DOK6: variants seen among roughly 807,000 people sequenced by gnomAD.
DOK6 encodes docking protein 6, also known as downstream of tyrosine kinase 6.
DOK6 carries 22 observed loss-of-function variants against 44.0 expected under a neutral mutation model. The ratio of observed to expected loss-of-function variants is 0.50; its 90% CI spans 0.36 to 0.71. The LOEUF is 0.71. Ranked by LOEUF, DOK6 falls within the 30% of genes least tolerant of loss-of-function variation. The pLI is 0.00. For synonymous variants in DOK6, 166 were observed against 145.5 expected (o/e 1.14, Z -1.01); for missense variants, 340 against 416.4 (o/e 0.82, Z 1.60).
chr18:69,801,492 G>A lies in DOK6; in HGVS notation c.857-39752G>A, dbSNP rs576554846. Among the ~76,000 whole-genome samples the A allele has an allele frequency of 3.9e-5, 6 of 152,252 alleles. No homozygotes were observed. In the South Asian group the frequency reaches 6.2e-4, roughly 16 times the overall value. ...GCCACGTAAGTAGTTTCCCAAACTCGTCTCCTCCTCTACAGCCTGCTTCAA... is the reference window on the plus strand; with the variant it reads ...GCCACGTAAGTAGTTTCCCAAACTCATCTCCTCCTCTACAGCCTGCTTCAA... On this transcript the variant is annotated intron_variant, in intron 7 of 7. Coordinates refer to ENST00000382713, the MANE Select transcript of DOK6 (RefSeq NM_152721.6).
intron 3 of DOK6, 124 bp from the exon 4 acceptor site, chr18:69,677,610 G>C: frequency 2.7e-6 from 4 of 1,501,374 alleles, no homozygotes; most frequent in Non-Finnish European, 3.6e-6. Context: ...ACAGTTTTTT[G>C]TTGTTTTTTT....
chr18:69,484,988 A>C (rs1412460388), intron 1 of DOK6, among the ~76,000 whole-genome samples: 1 of 151,486 alleles, frequency 6.6e-6, no homozygotes, highest in Non-Finnish European at 1.5e-5. Context: ...GTGTTGGGTG[A>C]CTCAGATTTC....
At chr18:69,835,491 A>C (rs1252378257) in intron 7 of DOK6, among the ~76,000 whole-genome samples, 3 of 152,170 alleles carry the variant, frequency 2.0e-5, no homozygotes, top group African/African-American at 4.8e-5. Flanking sequence ...CAACAAAAAA[A>C]AAAACAGCTT....
intron 3 of DOK6, among the ~76,000 whole-genome samples, chr18:69,636,663 T>A (rs892624209): frequency 1.3e-5 from 2 of 152,248 alleles, no homozygotes; most frequent in African/African-American, 2.4e-5. Flanking sequence ...TTCAAAGATC[T>A]GCTTATGTTC....
intron 3 of DOK6, among the ~76,000 whole-genome samples, chr18:69,621,689 A>G (rs974445710): frequency 1.3e-5 from 2 of 152,174 alleles, no homozygotes; most frequent in South Asian, 2.1e-4. Context: ...CAGACACTCA[A>G]TGGAGTAAAC....
At chr18:69,759,062 CTCT>C (rs913829711) in intron 7 of DOK6, among the ~76,000 whole-genome samples, 16 of 152,166 alleles carry the variant, frequency 1.1e-4, no homozygotes, top group Non-Finnish European at 1.8e-4. Context: ...TAAAGGGACT[CTCT>C]TATGGCCAAC....
rs149922407 is a variant in DOK6, at chr18:69,405,592, T to TAAATAAAATAAAATA, written c.66+4305_66+4319dup. On this transcript the variant is annotated intron_variant, in intron 1 of 7. Coordinates refer to ENST00000382713, the MANE Select transcript of DOK6 (RefSeq NM_152721.6). ...GAAACTCTGTCTCAAAATAACTAAC[T>TAAATAAAATAAAATA]AAATAAAATAAAATAAAATAAAATA... 4.7e-3 allele frequency among the ~76,000 whole-genome samples: 699 copies of TAAATAAAATAAAATA among 149,766 alleles called. 5 individuals are homozygous for TAAATAAAATAAAATA. The highest frequency in any genetic ancestry group is 0.017 in the Middle Eastern group (5 of 294).
chr18:69,720,452 G>A (rs1159708840), intron 5 of DOK6, among the ~76,000 whole-genome samples: 2 of 152,126 alleles, frequency 1.3e-5, no homozygotes, highest in Non-Finnish European at 2.9e-5. Flanking sequence ...AATTGCTCAG[G>A]TGATGAATAG....
intron 1 of DOK6, among the ~76,000 whole-genome samples, chr18:69,430,499 G>A (rs942825994): frequency 4.6e-5 from 7 of 151,992 alleles, no homozygotes; most frequent in African/African-American, 1.2e-4. Flanking sequence ...GAAGTTAGTT[G>A]GACTTACCCA....
chr18:69,631,796 C>T (rs1568316740), intron 3 of DOK6, among the ~76,000 whole-genome samples: 1 of 152,196 alleles, frequency 6.6e-6, no homozygotes, highest in African/African-American at 2.4e-5. Context: ...ATCCATTAGA[C>T]AAAGTGTCCG....
At chr18:69,828,098 C>T (rs1229448276) in intron 7 of DOK6, among the ~76,000 whole-genome samples, 1 of 151,750 alleles carries the variant, frequency 6.6e-6, no homozygotes, top group African/African-American at 2.4e-5. Context: ...TATTAAAACT[C>T]TCTAATAATA....
At position 69,775,571 on chromosome 18, in the gene DOK6, G is replaced by T. The variant is rs1040652644; in HGVS notation, c.856+17698G>T. Reference sequence around the variant, plus strand: ...AATACATCTAAACAAGTAAATAGGAGAAAAGGGGAAATTTTTAAATTAATG... The same window carrying T: ...AATACATCTAAACAAGTAAATAGGATAAAAGGGGAAATTTTTAAATTAATG... On this transcript the variant is annotated intron_variant, in intron 7 of 7. Transcript: ENST00000382713. Among the ~76,000 whole-genome samples, 14 of 151,300 alleles carry T rather than the reference G, an allele frequency of 9.3e-5. No individual in the cohort carries two copies. In the South Asian group the frequency reaches 2.5e-3, roughly 27 times the overall value.
At chr18:69,589,352 T>A (rs1983574878) in intron 2 of DOK6, among the ~76,000 whole-genome samples, 1 of 152,092 alleles carries the variant, frequency 6.6e-6, no homozygotes, top group African/African-American at 2.4e-5. Flanking sequence ...AGTAAAATCT[T>A]TGACTTAATT....
At chr18:69,496,444 A>T (rs1447724405) in intron 1 of DOK6, among the ~76,000 whole-genome samples, 1 of 152,218 alleles carries the variant, frequency 6.6e-6, no homozygotes, top group Non-Finnish European at 1.5e-5. Flanking sequence ...AGCTGATGTG[A>T]TGGCAGCCGT....
intron 4 of DOK6, among the ~76,000 whole-genome samples, chr18:69,694,516 A>C (rs1986350029): frequency 6.6e-6 from 1 of 151,202 alleles, no homozygotes; most frequent in South Asian, 2.1e-4. Flanking sequence ...TTTTTGTTTC[A>C]ACCATTTAAA....
intron 1 of DOK6, among the ~76,000 whole-genome samples, chr18:69,427,042 G>C (rs1184653050): frequency 2.0e-5 from 3 of 151,846 alleles, no homozygotes; most frequent in African/African-American, 7.3e-5. Context: ...TTCCCTCTAT[G>C]TGTCCATGTG....
chr18:69,519,989 A>T (rs1352630321), intron 1 of DOK6, among the ~76,000 whole-genome samples: 1 of 151,824 alleles, frequency 6.6e-6, no homozygotes, highest in Non-Finnish European at 1.5e-5. Context: ...TATTGCCTAA[A>T]TGTATCTGAG....
chr18:69,500,604 A>C (rs1385802821), intron 1 of DOK6, among the ~76,000 whole-genome samples: 1 of 152,178 alleles, frequency 6.6e-6, no homozygotes, highest in East Asian at 1.9e-4. Flanking sequence ...GGCAATTAGT[A>C]AACATTTATT....
At position 69,530,995 on chromosome 18, in the gene DOK6, A is replaced by T. The variant is rs558997221; in HGVS notation, c.67-33492A>T. On this transcript the variant is annotated intron_variant, in intron 1 of 7. Transcript: ENST00000382713. ...TAGGATAGTTAGCTCTTCTTGTGGA[A>T]TTTACCATTATGTAATGGCCTTCTT... is the stretch of plus-strand genomic sequence containing the variant. 4.6e-5 allele frequency among the ~76,000 whole-genome samples: 7 copies of T among 151,912 alleles called. No homozygotes were observed. In the South Asian group the frequency reaches 1.5e-3, roughly 32 times the overall value.
Sources: gnomAD v4.1 joint callset for allele counts (sites outside exome capture counted in the v4.1 genomes callset) on GRCh38, gnomAD v4.1.1 for gene constraint, MANE v1.5 for transcripts, NCBI Gene and HGNC (gene_info 2026-07-23, HGNC 2026-07-21) for gene names.